USP49: variants seen among roughly 807,000 people sequenced by gnomAD.
USP49 encodes the protein ubiquitin carboxyl-terminal hydrolase 49.
USP49 carries 24 observed loss-of-function variants against 58.6 expected under a neutral mutation model. The ratio of observed to expected loss-of-function variants is 0.41; its 90% CI spans 0.30 to 0.58. The LOEUF is 0.58. Among genes scored for constraint, USP49 ranks in the 20% least tolerant of loss-of-function variants. The pLI is 0.30. For synonymous variants in USP49, 408 were observed against 365.1 expected, an observed-to-expected ratio of 1.12 and a Z score of -1.34; for missense variants, 703 against 866.1, an observed-to-expected ratio of 0.81 and a Z score of 2.36.
At chr6:41,811,277 C>T (rs1007653582) in intron 3 of USP49, among the ~76,000 whole-genome samples, 3 of 152,172 alleles carry the variant, frequency 2.0e-5, no homozygotes, top group Non-Finnish European at 4.4e-5. Flanking sequence ...ATACAGTAGC[C>T]TCCCTTTATA....
At position 41,859,238 on chromosome 6, in the gene USP49, TG is replaced by T. The variant is rs1451688668; in HGVS notation, c.-29+12325del. The stretch of plus-strand genomic sequence containing the variant: ...TCCCTCTTTCTCTACCCCATGACTA[TG>T]CTCCAGCTGTTCTAAAGCATTTTAA... On this transcript the variant is annotated intron_variant, in intron 3 of 7. Coordinates refer to ENST00000682992, the MANE Select transcript of USP49 (RefSeq NM_001286554.2). Among the ~76,000 whole-genome samples the T allele has an allele frequency of 2.0e-5, 3 of 152,354 alleles. No homozygotes were observed. The East Asian group carries it at 5.8e-4, about 29-fold the overall frequency.
chr6:41,814,938 G>T (rs186284825), intron 3 of USP49, among the ~76,000 whole-genome samples: 1 of 152,198 alleles, frequency 6.6e-6, no homozygotes, highest in African/African-American at 2.4e-5. Flanking sequence ...AGTGTACCTA[G>T]AATTACATCT....
At chr6:41,865,708 A>G (rs1025350888) in intron 3 of USP49, among the ~76,000 whole-genome samples, 1 of 151,446 alleles carries the variant, frequency 6.6e-6, no homozygotes, top group Non-Finnish European at 1.5e-5. Flanking sequence ...ATGTGATTAT[A>G]GCTCACTGTA....
In USP49 at chr6:41,793,283, A is replaced by G; in HGVS notation, c.*3250T>C. 1 of 152,400 alleles carries G rather than the reference A, an allele frequency of 6.6e-6. No homozygotes were observed. The highest frequency in any genetic ancestry group is 1.4e-5 in the Non-Finnish European group (1 of 69,090). 9.4% of individuals were successfully genotyped at this position (152,400 alleles called of 1,614,324 possible). On this transcript the variant is annotated 3_prime_UTR_variant, in exon 8 of 8. Transcript: ENST00000682992. Reference sequence around the variant, plus strand: ...TTTTTGTTTTTGTTTTTTTTTTAAGACAGAGTCTCGCTCTGTCGCCAGGCT... The same window carrying G: ...TTTTTGTTTTTGTTTTTTTTTTAAGGCAGAGTCTCGCTCTGTCGCCAGGCT...
chr6:41,801,427 T>C (rs932070573), intron 5 of USP49, among the ~76,000 whole-genome samples: 2 of 152,228 alleles, frequency 1.3e-5, no homozygotes, highest in African/African-American at 4.8e-5. Flanking sequence ...CTTCTCATAA[T>C]AGACTGCATC....
intron 3 of USP49, among the ~76,000 whole-genome samples, chr6:41,825,684 G>A (rs1773526051): frequency 6.6e-6 from 1 of 152,120 alleles, no homozygotes; most frequent in African/African-American, 2.4e-5. Context: ...CTAACCTTTA[G>A]AATAATAACC....
chr6:41,872,714 T>G (rs943483410), intron 2 of USP49, among the ~76,000 whole-genome samples: 1 of 145,216 alleles, frequency 6.9e-6, no homozygotes. Flanking sequence ...CAGGCTAACA[T>G]GGTGAAACCC....
chr6:41,813,025 G>C (rs986454387), intron 3 of USP49, among the ~76,000 whole-genome samples: 1 of 152,118 alleles, frequency 6.6e-6, no homozygotes, highest in Non-Finnish European at 1.5e-5. Context: ...CAGTACTATA[G>C]TAACTAGTCA....
chr6:41,806,597 C>T lies in USP49; in HGVS notation c.387G>A (p.Pro129=), dbSNP rs745385844. 4 of 1,606,766 alleles carry T rather than the reference C, an allele frequency of 2.5e-6. No individual in the cohort carries two copies. In the African/African-American group the frequency reaches 4.0e-5, roughly 16 times the overall value. The change falls in exon 4 of 8, where the codon CCG becomes CCA. Residue 129 remains proline, a synonymous_variant. Coordinates refer to ENST00000682992, the MANE Select transcript of USP49 (RefSeq NM_001286554.2). This position sits in a 1 kb window ranked among gnomAD's most constrained non-coding sequence, Gnocchi z 5.9. ...SMASGEDVVL[P]QRAPQGQPQM... ...GCGGCTGTCCCTGAGGAGCGCGCTG[C>T]GGCAGGACCACGTCCTCACCCGAAG...
chr6:41,876,977 T>C (rs942899709), intron 2 of USP49, among the ~76,000 whole-genome samples: 25 of 152,212 alleles, frequency 1.6e-4, no homozygotes, highest in African/African-American at 6.0e-4. Flanking sequence ...TGATTAATTA[T>C]GTTATCTCCA....
rs539820455 is a variant in USP49 at position 41,791,164 on chromosome 6, T to G, written c.*5369A>C. The G allele has an allele frequency of 3.9e-5, 6 of 152,380 alleles. No individual in the cohort carries two copies. Among genetic ancestry groups the G allele is most frequent in the African/African-American group, 1.2e-4 (5 of 41,584 alleles). 9.4% of individuals were successfully genotyped at this position (152,380 alleles called of 1,614,324 possible). A position where few individuals can be genotyped will look rare whatever the true frequency, so the allele number is the denominator to read the frequency against. On this transcript the variant is annotated 3_prime_UTR_variant, in exon 8 of 8. Transcript: ENST00000682992. ...TAAGACATGGCAGCTTCCAAAAGCATAATTCAAATTTCATTCAAAATTTAC... is the reference window on the plus strand; with the variant it reads ...TAAGACATGGCAGCTTCCAAAAGCAGAATTCAAATTTCATTCAAAATTTAC...
intron 3 of USP49, among the ~76,000 whole-genome samples, chr6:41,823,519 G>A (rs966663220): frequency 1.3e-5 from 2 of 152,146 alleles, no homozygotes; most frequent in Non-Finnish European, 2.9e-5. Flanking sequence ...TCCATAAGCC[G>A]ATGACTGCAA....
chr6:41,808,316 G>GT (rs368236905), intron 3 of USP49, among the ~76,000 whole-genome samples: 36 of 149,334 alleles, frequency 2.4e-4, no homozygotes, highest in African/African-American at 6.2e-4. Flanking sequence ...TCCTAAGCAT[G>GT]TTTTTTTTTC....
chr6:41,817,500 C>T (rs1773378234), intron 3 of USP49, among the ~76,000 whole-genome samples: 1 of 145,674 alleles, frequency 6.9e-6, no homozygotes, highest in Admixed American at 6.9e-5. Flanking sequence ...TGCTCTGTCG[C>T]CCAGGCTGCA....
At chr6:41,847,000 T>C (rs1773935520) in intron 3 of USP49, among the ~76,000 whole-genome samples, 1 of 152,126 alleles carries the variant, frequency 6.6e-6, no homozygotes, top group Non-Finnish European at 1.5e-5. Context: ...CAGAAAAAGG[T>C]TGAGAGATCC....
At chr6:41,846,725 T>C (rs1167349622) in intron 3 of USP49, among the ~76,000 whole-genome samples, 1 of 152,200 alleles carries the variant, frequency 6.6e-6, no homozygotes, top group African/African-American at 2.4e-5. Context: ...TGTCCTTTCA[T>C]GTCCTTCTTC....
chr6:41,837,413 T>C (rs1048270434), intron 3 of USP49, among the ~76,000 whole-genome samples: 3 of 152,178 alleles, frequency 2.0e-5, no homozygotes, highest in Admixed American at 2.0e-4. Context: ...ATGCAGAAGA[T>C]TGAAGCTGGA....
intron 3 of USP49, among the ~76,000 whole-genome samples, chr6:41,848,831 G>C (rs1312537915): frequency 6.6e-6 from 1 of 150,842 alleles, no homozygotes; most frequent in Non-Finnish European, 1.5e-5. Flanking sequence ...CTCCAGCCTG[G>C]ACAACACCAG....
rs780766077 is a variant in USP49, at chr6:41,798,682, C to A, written c.1876+42G>T. 10 of 1,613,540 alleles carry A rather than the reference C, an allele frequency of 6.2e-6. No homozygotes were observed. The Admixed American group carries it at 1.7e-4, about 27-fold the overall frequency. On this transcript the variant is annotated intron_variant, in intron 7 of 7. Coordinates refer to ENST00000682992, the MANE Select transcript of USP49 (RefSeq NM_001286554.2). ...AACAATAAAATGTGGACAAATCAAC[C>A]CCTTTCCGTGTCCCCCACCCCACAG...
Sources: gnomAD v4.1 joint callset for allele counts (sites outside exome capture counted in the v4.1 genomes callset) on GRCh38, gnomAD v4.1.1 for gene constraint, Gnocchi (gnomAD v3.1) non-coding constraint, MANE v1.5 for transcripts, NCBI Gene and HGNC (gene_info 2026-07-23, HGNC 2026-07-21) for gene names.